The following BICC1 variants were observed in gnomAD, a reference collection of about 807,000 sequenced individuals.
BICC1 encodes BicC family RNA binding protein 1, also known as protein bicaudal C homolog 1.
BICC1 carries 43 observed loss-of-function variants against 111.0 expected under a neutral mutation model. That is an observed-to-expected ratio of 0.39 (90% CI 0.30 to 0.50). The LOEUF is 0.50. BICC1 is among the 20% of genes least tolerant of loss of function. The probability of loss-of-function intolerance (pLI) is 0.88; values close to 1 mark genes in which losing one functional copy is unlikely to be tolerated. For missense variants in BICC1, 1,091 were observed against 1,203.2 expected, an observed-to-expected ratio of 0.91 and a Z score of 1.38; for synonymous variants, 467 against 434.4, an observed-to-expected ratio of 1.07 and a Z score of -0.93.
At chr10:58,554,249 A>G (rs994486232) in intron 1 of BICC1, among the ~76,000 whole-genome samples, 10 of 152,148 alleles carry the variant, frequency 6.6e-5, no homozygotes, top group Non-Finnish European at 1.5e-4. Context: ...GCTGAGAGTC[A>G]GAGAGGACAA....
At chr10:58,604,826 C>A (rs547038855) in intron 1 of BICC1, among the ~76,000 whole-genome samples, 1 of 152,134 alleles carries the variant, frequency 6.6e-6, no homozygotes, top group Non-Finnish European at 1.5e-5. Flanking sequence ...AAATTTATTT[C>A]TCACAGTTCT....
rs75724225 is a variant in BICC1 at position 58,552,722 on chromosome 10, T to C, written c.190+39389T>C. Among the ~76,000 whole-genome samples, 127 of 152,328 alleles carry C rather than the reference T, an allele frequency of 8.3e-4. 2 individuals carry two copies. In the East Asian group the frequency reaches 0.022, roughly 27 times the overall value. On this transcript the variant is annotated intron_variant, in intron 1 of 20. Transcript: ENST00000373886. ...TGAGTTAAAGTCCTGTTTCTGAAAC[T>C]ATCTAGCCAAGTGATCTTAGGAAAG...
intron 1 of BICC1, among the ~76,000 whole-genome samples, chr10:58,527,499 T>G (rs1408946619): frequency 6.6e-6 from 1 of 152,238 alleles, no homozygotes; most frequent in Non-Finnish European, 1.5e-5. Flanking sequence ...TCCTTGCCCA[T>G]GCCTGTGTCC....
intron 1 of BICC1, among the ~76,000 whole-genome samples, chr10:58,516,302 AG>A (rs1842239942): frequency 1.3e-5 from 2 of 152,176 alleles, no homozygotes; most frequent in Non-Finnish European, 2.9e-5. Context: ...ATCTTTAATG[AG>A]TTGTATTTTT....
intron 1 of BICC1, among the ~76,000 whole-genome samples, chr10:58,563,057 A>G (rs947556372): frequency 5.3e-5 from 8 of 152,086 alleles, no homozygotes; most frequent in South Asian, 2.1e-4. Flanking sequence ...AGGTTGCTGT[A>G]TGGGCTTGCA....
chr10:58,546,427 A>G (rs1377158164), intron 1 of BICC1, among the ~76,000 whole-genome samples: 1 of 152,204 alleles, frequency 6.6e-6, no homozygotes, highest in Non-Finnish European at 1.5e-5. Flanking sequence ...TTGAATTTTT[A>G]CAAGCAGTCT....
intron 1 of BICC1, among the ~76,000 whole-genome samples, chr10:58,535,995 A>G (rs544732598): frequency 6.6e-6 from 1 of 151,856 alleles, no homozygotes; most frequent in Non-Finnish European, 1.5e-5. Flanking sequence ...TCATTATACA[A>G]TGATAAAAGG....
chr10:58,676,601 G>T (rs1463725709), intron 2 of BICC1, among the ~76,000 whole-genome samples: 2 of 152,200 alleles, frequency 1.3e-5, no homozygotes. Context: ...CTGGGGAAAG[G>T]GGTGGCTGTG....
chr10:58,777,042 T>C (rs190575615), intron 3 of BICC1, among the ~76,000 whole-genome samples: 335 of 151,962 alleles, frequency 2.2e-3, no homozygotes, highest in Non-Finnish European at 3.7e-3. Flanking sequence ...GAGAAAGTGG[T>C]TTATAAGATA....
intron 20 of BICC1, 27 bp downstream of exon 20, chr10:58,820,495 T>G: frequency 6.6e-7 from 1 of 1,509,250 alleles, no homozygotes. Flanking sequence ...AACTCATATG[T>G]TAAAATCTGA....
intron 1 of BICC1, among the ~76,000 whole-genome samples, chr10:58,607,147 T>A (rs1162205940): frequency 6.6e-6 from 1 of 151,952 alleles, no homozygotes; most frequent in East Asian, 1.9e-4. Flanking sequence ...AGAAACCCTG[T>A]CTCTACTAAA....
In BICC1 at chr10:58,831,336, C is replaced by T. The variant is rs772147578; in HGVS notation, c.*2445C>T. The T allele has an allele frequency of 2.1e-4, 32 of 151,738 alleles. No homozygotes were observed. The highest frequency in any genetic ancestry group is 6.8e-4 in the African/African-American group (28 of 41,308). The allele number at this position is 151,738 out of a possible 1,614,324, so 9.4% of individuals were successfully genotyped here. A position where few individuals can be genotyped will look rare whatever the true frequency, so the allele number is the denominator to read the frequency against. Reference sequence around the variant, plus strand: ...CCTTTTAGTGATTTTTTTCCAAAAACGAGAGATGGAATTAACATTGAAAAT... The same window carrying T: ...CCTTTTAGTGATTTTTTTCCAAAAATGAGAGATGGAATTAACATTGAAAAT... On this transcript the variant is annotated 3_prime_UTR_variant, in exon 21 of 21. Coordinates refer to ENST00000373886, the MANE Select transcript of BICC1 (RefSeq NM_001080512.3).
intron 2 of BICC1, among the ~76,000 whole-genome samples, chr10:58,638,647 G>GGGT (rs1427571603): frequency 2.6e-5 from 4 of 152,062 alleles, no homozygotes; most frequent in Admixed American, 2.6e-4. Flanking sequence ...TTGTGGCAGG[G>GGGT]GGTGATGAGA....
chr10:58,768,671 A>T lies in BICC1; in HGVS notation c.308-16330A>T, dbSNP rs534451665. Among the ~76,000 whole-genome samples, 4 of 123,004 alleles carry T rather than the reference A, an allele frequency of 3.3e-5. No homozygotes were observed. In the East Asian group the frequency reaches 1.1e-3, roughly 34 times the overall value. The allele number at this position is 123,004 out of a possible 152,430, so 80.7% of individuals were successfully genotyped here. A position where few individuals can be genotyped will look rare whatever the true frequency, so the allele number is the denominator to read the frequency against. ...ACCAATGTTAATGGAGACACAATAT[A>T]AAAAAAGTAAATCATAACATCAAAA... is the stretch of plus-strand genomic sequence containing the variant. On this transcript the variant is annotated intron_variant, in intron 3 of 20. Transcript: ENST00000373886.
At chr10:58,668,502 A>G (rs1839086645) in intron 2 of BICC1, among the ~76,000 whole-genome samples, 1 of 152,064 alleles carries the variant, frequency 6.6e-6, no homozygotes, top group African/African-American at 2.4e-5. Flanking sequence ...CCCAGTAATC[A>G]TATTTGAGCT....
chr10:58,702,779 T>C (rs946425650), intron 3 of BICC1, among the ~76,000 whole-genome samples: 1 of 152,234 alleles, frequency 6.6e-6, no homozygotes, highest in Non-Finnish European at 1.5e-5. Context: ...TTTTAAAGTA[T>C]GACCTTAGTC....
chr10:58,527,617 A>T (rs1246827563), intron 1 of BICC1, among the ~76,000 whole-genome samples: 3 of 151,914 alleles, frequency 2.0e-5, no homozygotes, highest in East Asian at 1.9e-4. Context: ...TAAGGAAGGG[A>T]TCCGGTTTCA....
chr10:58,657,041 C>T (rs1048420197), intron 2 of BICC1, among the ~76,000 whole-genome samples: 35 of 152,128 alleles, frequency 2.3e-4, no homozygotes, highest in Non-Finnish European at 4.7e-4. Context: ...CCTCCAGCCC[C>T]ATCTTTCTCC....
At chr10:58,598,978 G>A (rs1400651113) in intron 1 of BICC1, among the ~76,000 whole-genome samples, 2 of 152,150 alleles carry the variant, frequency 1.3e-5, no homozygotes, top group East Asian at 3.9e-4. Flanking sequence ...AGTTAGAATG[G>A]CGATCGTTAA....
Sources: allele counts gnomAD v4.1 joint callset (sites outside exome capture counted in the v4.1 genomes callset), GRCh38; gene constraint gnomAD v4.1.1; transcripts MANE v1.5; gene names NCBI Gene and HGNC (gene_info 2026-07-23, HGNC 2026-07-21).